Variants in SYNE1 observed in about 807,000 individuals in gnomAD.
SYNE1 encodes spectrin repeat containing nuclear envelope protein 1.
Under a neutral mutation model 1,111.0 loss-of-function variants are expected in SYNE1, and 616 were observed. The ratio of observed to expected loss-of-function variants is 0.55; its 90% CI spans 0.52 to 0.59. The LOEUF (loss-of-function observed/expected upper bound fraction) is 0.59. Among genes scored for constraint, SYNE1 ranks in the 20% least tolerant of loss-of-function variants. The pLI, the probability that SYNE1 is intolerant of heterozygous loss-of-function variation, is 0.00. For synonymous variants in SYNE1, 3,855 were observed against 3,825.8 expected, an observed-to-expected ratio of 1.01 and a Z score of -0.28; for missense variants, 10,006 against 10,417.0, an observed-to-expected ratio of 0.96 and a Z score of 1.72.
chr6:152,297,647 T>C (rs1435786863), intron 93 of SYNE1, among the ~76,000 whole-genome samples: 1 of 152,184 alleles, frequency 6.6e-6, no homozygotes, highest in Admixed American at 6.5e-5. Context: ...TTACTGTCCA[T>C]AAGGAAAAGC....
At chr6:152,544,919 C>T (rs1362213240) in intron 3 of SYNE1, among the ~76,000 whole-genome samples, 1 of 152,152 alleles carries the variant, frequency 6.6e-6, no homozygotes, top group Non-Finnish European at 1.5e-5. Context: ...GTTAAATATA[C>T]TTTTAATTTT....
chr6:152,317,128 CG>C (rs2095746850), intron 86 of SYNE1, 142 bp from the exon 87 acceptor site: 3 of 987,176 alleles, frequency 3.0e-6, no homozygotes, highest in Middle Eastern at 6.3e-4. Context: ...ATCAAAAGAT[CG>C]TTTCCCTGTT....
chr6:152,345,654 T>C (rs1453732596), intron 73 of SYNE1, among the ~76,000 whole-genome samples: 2 of 152,136 alleles, frequency 1.3e-5, no homozygotes, highest in East Asian at 1.9e-4. Context: ...TGGACCACTC[T>C]AACCACGTCA....
intron 3 of SYNE1, among the ~76,000 whole-genome samples, chr6:152,567,807 C>G (rs818449): frequency 0.42 from 63,494 of 151,962 alleles, 15,199 homozygotes; most frequent in East Asian, 0.68. Context: ...GGAAAAGTAA[C>G]AAGGGAAGGG....
In SYNE1 at chr6:152,155,613, C is replaced by G. The variant is rs185251065; in HGVS notation, c.23978+297G>C. On this transcript the variant is annotated intron_variant, in intron 132 of 145. Coordinates refer to ENST00000367255, the MANE Select transcript of SYNE1 (RefSeq NM_182961.4). ...TTTAATTTTTAATAAAAGAATGTTA[C>G]TGTTCTCACAGCCACACATTCTGTA... Among the ~76,000 whole-genome samples the G allele has an allele frequency of 8.6e-4, 131 of 152,310 alleles. 1 individual carries two copies. Among genetic ancestry groups the G allele is most frequent in the Non-Finnish European group, 1.3e-3 (90 of 68,012 alleles).
chr6:152,448,743 G>C (rs2098617711), intron 28 of SYNE1, among the ~76,000 whole-genome samples: 1 of 152,132 alleles, frequency 6.6e-6, no homozygotes, highest in South Asian at 2.1e-4. Context: ...TCAAGAGGCT[G>C]AGGTGGGAGG....
intron 3 of SYNE1, among the ~76,000 whole-genome samples, chr6:152,596,098 T>TAA (rs71017542): frequency 0.031 from 582 of 18,556 alleles, 119 homozygotes; most frequent in African/African-American, 0.059. Context: ...AAGGGCAATC[T>TAA]AAAAAAAAAA....
chr6:152,275,349 C>T (rs959313761), intron 98 of SYNE1, among the ~76,000 whole-genome samples: 1 of 151,746 alleles, frequency 6.6e-6, no homozygotes, highest in African/African-American at 2.4e-5. Flanking sequence ...TTTGATCCAC[C>T]TGTGATACAT....
intron 91 of SYNE1, among the ~76,000 whole-genome samples, chr6:152,306,790 G>T (rs1482764209): frequency 6.6e-6 from 1 of 151,300 alleles, no homozygotes; most frequent in Non-Finnish European, 1.5e-5. Flanking sequence ...GGAGGCTGAG[G>T]TGGGAGGACT....
chr6:152,148,287 G>T lies in SYNE1; in HGVS notation c.24734C>A (p.Ala8245Glu). ...LSDLHWHDRS[A>E]DSLLSPQPSS... Reference sequence around the variant, plus strand: ...AGGCTGTGGAGAAAGCAGGCTGTCTGCAGAGCGGTCGTGCCAGTGCAGGTC... The same window carrying T: ...AGGCTGTGGAGAAAGCAGGCTGTCTTCAGAGCGGTCGTGCCAGTGCAGGTC... Residue 8245 changes from alanine to glutamate, a missense_variant, in exon 137 of 146, where the codon GCA becomes GAA. By Grantham distance (107) the Ala-to-Glu change is moderately radical. Coordinates refer to ENST00000367255, the MANE Select transcript of SYNE1 (RefSeq NM_182961.4). The surrounding 1 kb of genome is among the most constrained non-coding windows in gnomAD (Gnocchi z 4.1). 1 of 1,613,828 alleles carries T rather than the reference G, an allele frequency of 6.2e-7. No homozygotes were observed. The highest frequency in any genetic ancestry group is 8.5e-7 in the Non-Finnish European group (1 of 1,179,798).
Position 152,362,277 on chromosome 6 carries a change from C to T in SYNE1, c.10192G>A (p.Val3398Ile), listed in dbSNP as rs118043259. The change falls in exon 64 of 146, where the codon GTT becomes ATT. Residue 3398 changes from valine to isoleucine, a missense_variant. Physicochemically the swap from Val to Ile is conservative, Grantham distance 29 (BLOSUM62 3). Around this residue, in one of 7 missense-constraint regions of SYNE1, gnomAD observed 4,955 missense variants for 5,017.2 expected, o/e 0.99. Coordinates refer to ENST00000367255, the MANE Select transcript of SYNE1 (RefSeq NM_182961.4). The part of the protein sequence containing the change: ...LSKWTSYQDG[V>I]RQFSGWMDSM... Reference sequence around the variant, plus strand: ...TCCATCCAACCGGAGAACTGTCGAACGCCATCCTGATAACTTGTCCACTTG... The same window carrying T: ...TCCATCCAACCGGAGAACTGTCGAATGCCATCCTGATAACTTGTCCACTTG... 1.2e-6 allele frequency: 2 copies of T among 1,614,102 alleles called. No homozygotes were observed. Among genetic ancestry groups the T allele is most frequent in the Non-Finnish European group, 8.5e-7 (1 of 1,180,048 alleles).
rs1466018376 is a variant in SYNE1 at position 152,219,004 on chromosome 6, T to C, written c.22043A>G (p.Gln7348Arg). The C allele has an allele frequency of 6.2e-7, 1 of 1,613,838 alleles. No homozygotes were observed. Among genetic ancestry groups the C allele is most frequent in the East Asian group, 2.2e-5 (1 of 44,878 alleles). Reference protein sequence around the residue: ...QALCKQQTSLQAGVLDYETFA... With the variant: ...QALCKQQTSLRAGVLDYETFA... ...AGATACTAAATAGGAGCTCTGTACCTGTAATGAAGTCTGCTGTTTGCAGAG... is the reference window on the plus strand; with the variant it reads ...AGATACTAAATAGGAGCTCTGTACCCGTAATGAAGTCTGCTGTTTGCAGAG... The change falls in exon 120 of 146, where the codon CAG (glutamine) becomes CGG (arginine). Residue 7348 changes from glutamine (Q) to arginine (R), a missense_variant and splice_region_variant. Physicochemically the swap from Gln to Arg is conservative, Grantham distance 43. This residue lies in a region of SYNE1 where 2,182 missense variants were observed against 2,287.8 expected (regional missense o/e 0.95). Coordinates refer to ENST00000367255, the MANE Select transcript of SYNE1 (RefSeq NM_182961.4).
At chr6:152,567,168 T>C (rs2099416681) in intron 3 of SYNE1, among the ~76,000 whole-genome samples, 1 of 152,160 alleles carries the variant, frequency 6.6e-6, no homozygotes, top group Non-Finnish European at 1.5e-5. Flanking sequence ...ATGCAGTATT[T>C]TTCACTTAGC....
chr6:152,416,343 T>C (rs2098154341), intron 41 of SYNE1, 44 bp downstream of exon 41: 3 of 1,609,852 alleles, frequency 1.9e-6, no homozygotes, highest in South Asian at 2.2e-5. Flanking sequence ...CCAGAACAAA[T>C]ACAAAAGAAA....
Position 152,193,235 on chromosome 6 carries a change from T to C in SYNE1, c.23146-3828A>G, listed in dbSNP as rs9383613. Among the ~76,000 whole-genome samples the C allele has an allele frequency of 4.9e-3, 745 of 152,340 alleles. 19 individuals carry two copies. In the East Asian group the frequency reaches 0.072, roughly 15 times the overall value. On this transcript the variant is annotated intron_variant, in intron 127 of 145. Coordinates refer to ENST00000367255, the MANE Select transcript of SYNE1 (RefSeq NM_182961.4). ...TTATTTTTTGTGTATCCACTGAATG[T>C]TTTCAGACTTGAGGTTACCATGATG...
At position 152,302,131 on chromosome 6, in the gene SYNE1, A is replaced by C. The variant is rs2153813712; in HGVS notation, c.17347-68T>G. The C allele has an allele frequency of 2.5e-6, 4 of 1,600,022 alleles. No individual in the cohort carries two copies. In the East Asian group the frequency reaches 6.7e-5, roughly 27 times the overall value. ...AAAGGAAACAGAAGTAGTAGCGTTC[A>C]TCTTCCTGCAGGGCGAGCCAATGAG... On this transcript the variant is annotated intron_variant, in intron 91 of 145. Coordinates refer to ENST00000367255, the MANE Select transcript of SYNE1 (RefSeq NM_182961.4).
At chr6:152,145,968 T>C in intron 137 of SYNE1, 1 of 241,834 alleles carries the variant, frequency 4.1e-6, no homozygotes. Context: ...GAGGTTGCAG[T>C]GAGCCGAGAT....
At chr6:152,187,419 G>C (rs2070486640) in intron 128 of SYNE1, among the ~76,000 whole-genome samples, 1 of 152,156 alleles carries the variant, frequency 6.6e-6, no homozygotes, top group Non-Finnish European at 1.5e-5. Flanking sequence ...GTCAGAGAAA[G>C]GGTGGAGGAT....
Position 152,463,375 on chromosome 6 carries a change from T to G in SYNE1, c.2075A>C (p.Glu692Ala), listed in dbSNP as rs780873161. The G allele has an allele frequency of 1.2e-6, 2 of 1,613,538 alleles. No homozygotes were observed. Among genetic ancestry groups the G allele is most frequent in the Non-Finnish European group, 1.7e-6 (2 of 1,179,762 alleles). ...QLLLLNGRWR[E>A]LFMEVKQYAQ... ...TACTTGCTTGACTTCCATAAACAAC[T>G]CCCTCCACCGCCCATTTAGCAACAG... Residue 692 changes from glutamate to alanine, a missense_variant, in exon 19 of 146, where the codon GAG (glutamate) becomes GCG (alanine). Transcript: ENST00000367255.
Sources: gnomAD v4.1 joint callset for allele counts (sites outside exome capture counted in the v4.1 genomes callset) on GRCh38, gnomAD v4.1.1 for gene constraint, gnomAD v4.1.1 regional missense constraint, Gnocchi (gnomAD v3.1) non-coding constraint, MANE v1.5 for transcripts, NCBI Gene and HGNC (gene_info 2026-07-23, HGNC 2026-07-21) for gene names.